The following NRXN3 variants were observed in gnomAD, a reference collection of about 807,000 sequenced individuals.
NRXN3 encodes the protein neurexin III.
A neutral mutation model predicts 137.6 loss-of-function variants in NRXN3; 32 were observed. The observed-to-expected ratio is 0.23, with a 90% confidence interval of 0.18 to 0.31. The LOEUF (loss-of-function observed/expected upper bound fraction) is 0.31, where lower values mean the gene tolerates loss of function less well. Ranked by LOEUF, NRXN3 falls within the 10% of genes least tolerant of loss-of-function variation. NRXN3 has a pLI of 1.00. For missense variants in NRXN3, 1,574 were observed against 2,062.5 expected (o/e 0.76, Z 4.59); for synonymous variants, 798 against 784.5 (o/e 1.02, Z -0.29).
At chr14:79,423,693 A>G (rs1025949509) in intron 15 of NRXN3, among the ~76,000 whole-genome samples, 2 of 152,198 alleles carry the variant, frequency 1.3e-5, no homozygotes, top group African/African-American at 4.8e-5. Flanking sequence ...AATCAGGCCA[A>G]TTGGGCATAA....
intron 10 of NRXN3, among the ~76,000 whole-genome samples, chr14:78,944,187 T>G (rs1049659854): frequency 6.6e-6 from 1 of 152,168 alleles, no homozygotes; most frequent in Non-Finnish European, 1.5e-5. Flanking sequence ...CAAAATTATC[T>G]GAGAATGATC....
intron 15 of NRXN3, among the ~76,000 whole-genome samples, chr14:79,029,554 C>T (rs1163744071): frequency 1.3e-5 from 2 of 152,038 alleles, no homozygotes; most frequent in Non-Finnish European, 2.9e-5. Context: ...TAATAGAATG[C>T]AGGACAGTAT....
intron 1 of NRXN3, among the ~76,000 whole-genome samples, chr14:78,225,972 TTG>T (rs1491471301): frequency 0.29 from 32,538 of 112,204 alleles, 4,259 homozygotes; most frequent in African/African-American, 0.35. Context: ...TGTGTGTGTG[TTG>T]GTGTGTGTGT....
intron 2 of NRXN3, among the ~76,000 whole-genome samples, chr14:78,257,662 A>C (rs755933787): frequency 2.0e-5 from 3 of 152,218 alleles, no homozygotes; most frequent in Admixed American, 6.5e-5. Flanking sequence ...ATGTGGTTGG[A>C]CCAAAGAATT....
At chr14:78,934,533 G>T (rs911840445) in intron 10 of NRXN3, among the ~76,000 whole-genome samples, 9 of 152,154 alleles carry the variant, frequency 5.9e-5, no homozygotes, top group Non-Finnish European at 1.5e-5. Context: ...AACCACGGCA[G>T]CTCCAACTCT....
intron 19 of NRXN3, among the ~76,000 whole-genome samples, chr14:79,804,520 C>T (rs1185989237): frequency 6.6e-6 from 1 of 152,138 alleles, no homozygotes; most frequent in African/African-American, 2.4e-5. Flanking sequence ...TGGTATCATG[C>T]TACTGGTCTA....
chr14:79,615,053 T>C (rs544997710), intron 16 of NRXN3, among the ~76,000 whole-genome samples: 12 of 152,244 alleles, frequency 7.9e-5, no homozygotes, highest in African/African-American at 2.4e-4. Context: ...GAGTGTAGGA[T>C]TGCAGTGACA....
intron 16 of NRXN3, among the ~76,000 whole-genome samples, chr14:79,621,568 C>G (rs2098225018): frequency 6.6e-6 from 1 of 152,154 alleles, no homozygotes; most frequent in Non-Finnish European, 1.5e-5. Context: ...ATGTTCTTGA[C>G]TCAAACCTGA....
intron 4 of NRXN3, among the ~76,000 whole-genome samples, chr14:78,472,925 T>TC (rs1402547636): frequency 1.3e-5 from 2 of 151,346 alleles, no homozygotes; most frequent in Non-Finnish European, 2.9e-5. Context: ...TCTTTTTTTT[T>TC]TTTTTTCATT....
chr14:78,536,459 A>G (rs2096536322), intron 4 of NRXN3, among the ~76,000 whole-genome samples: 1 of 152,182 alleles, frequency 6.6e-6, no homozygotes, highest in Non-Finnish European at 1.5e-5. Context: ...CAGCCCAGTG[A>G]TGTTTATGGT....
chr14:79,434,320 G>GA (rs34903737), intron 15 of NRXN3, among the ~76,000 whole-genome samples: 6 of 151,774 alleles, frequency 4.0e-5, no homozygotes, highest in Admixed American at 6.6e-5. Flanking sequence ...GCACAATTTG[G>GA]AAAAAATGAG....
chr14:79,498,308 T>C (rs1003192921), intron 16 of NRXN3, among the ~76,000 whole-genome samples: 3 of 152,190 alleles, frequency 2.0e-5, no homozygotes, highest in African/African-American at 7.2e-5. Context: ...GATGCTATTA[T>C]CGAGGATCCC....
chr14:78,181,754 A>G (rs1188920069), intron 1 of NRXN3, among the ~76,000 whole-genome samples: 1 of 152,172 alleles, frequency 6.6e-6, no homozygotes, highest in Non-Finnish European at 1.5e-5. Flanking sequence ...TTTGGGGCTC[A>G]TTTTAAATTT....
At chr14:78,365,618 A>G (rs953946344) in intron 4 of NRXN3, among the ~76,000 whole-genome samples, 2 of 152,258 alleles carry the variant, frequency 1.3e-5, no homozygotes, top group African/African-American at 4.8e-5. Context: ...GTAGGTAAAG[A>G]AAAACTGTTT....
chr14:79,858,977 T>TA lies in NRXN3; in HGVS notation c.4094-2357dup, dbSNP rs1491383075. ...ATATGAATTATATATGTTCACAATG[T>TA]AAAAAAAAGAAAAAAAAAAAAAACA... On this transcript the variant is annotated intron_variant, in intron 20 of 20. Transcript: ENST00000335750. 2.8e-3 allele frequency among the ~76,000 whole-genome samples: 112 copies of TA among 39,978 alleles called. 5 individuals carry two copies. The highest frequency in any genetic ancestry group is 6.4e-3 in the East Asian group (3 of 472). 26.2% of individuals were successfully genotyped at this position (39,978 alleles called of 152,430 possible). A position where few individuals can be genotyped will look rare whatever the true frequency, so the allele number is the denominator to read the frequency against.
chr14:79,092,750 C>G (rs1400890374), intron 15 of NRXN3, among the ~76,000 whole-genome samples: 1 of 152,252 alleles, frequency 6.6e-6, no homozygotes, highest in African/African-American at 2.4e-5. Context: ...AAATGAGCCC[C>G]AGGAAGGAGT....
At chr14:78,408,239 C>T (rs1377595556) in intron 4 of NRXN3, among the ~76,000 whole-genome samples, 1 of 152,178 alleles carries the variant, frequency 6.6e-6, no homozygotes, top group Non-Finnish European at 1.5e-5. Context: ...TTACCATCCT[C>T]ATTTTGCCAG....
chr14:79,366,048 C>G (rs1472416620), intron 15 of NRXN3, among the ~76,000 whole-genome samples: 3 of 152,106 alleles, frequency 2.0e-5, no homozygotes, highest in African/African-American at 7.2e-5. Context: ...TTCAGCACCT[C>G]TGTGTGTAAA....
intron 16 of NRXN3, among the ~76,000 whole-genome samples, chr14:79,587,198 G>A (rs1016697379): frequency 6.6e-6 from 1 of 152,214 alleles, no homozygotes; most frequent in Non-Finnish European, 1.5e-5. Flanking sequence ...GAATGCTTTA[G>A]TTTCTTCTGA....
Sources: gnomAD v4.1 joint callset for allele counts (sites outside exome capture counted in the v4.1 genomes callset) on GRCh38, gnomAD v4.1.1 for gene constraint, MANE v1.5 for transcripts, NCBI Gene and HGNC (gene_info 2026-07-23, HGNC 2026-07-21) for gene names.